ZNF469: variants seen among roughly 807,000 people sequenced by gnomAD.
The protein encoded by ZNF469 is zinc finger protein 469.
ZNF469 carries 1 observed loss-of-function variant against 1.0 expected under a neutral mutation model. That is an observed-to-expected ratio of 1.00 (90% CI 0.35 to 4.73). ZNF469 has a LOEUF of 4.73. ZNF469 is among the 30% of genes most tolerant of loss of function. The pLI, the probability that ZNF469 is intolerant of heterozygous loss-of-function variation, is 0.16. For synonymous variants in ZNF469, 2,703 were observed against 2,363.4 expected (o/e 1.14, Z -4.17); for missense variants, 6,100 against 5,356.3 (o/e 1.14, Z -4.33).
the ZNF469 span, among the ~76,000 whole-genome samples, chr16:88,228,601 C>A: frequency 6.6e-6 from 1 of 152,228 alleles, no homozygotes; most frequent in African/African-American, 2.4e-5. Context: ...AACCTGGCAA[C>A]TCCTGTTTTT....
the ZNF469 span, among the ~76,000 whole-genome samples, chr16:88,120,766 C>T: frequency 4.6e-5 from 7 of 152,152 alleles, no homozygotes; most frequent in African/African-American, 1.4e-4. Flanking sequence ...AAATGGAACT[C>T]GGAGGACAGA....
the ZNF469 span, among the ~76,000 whole-genome samples, chr16:88,125,423 C>G: frequency 7.9e-5 from 12 of 152,216 alleles, no homozygotes; most frequent in African/African-American, 2.9e-4. Flanking sequence ...CTAAGTCATT[C>G]TATGAAGCCA....
chr16:88,274,837 C>CG, the ZNF469 span, among the ~76,000 whole-genome samples: 5 of 152,372 alleles, frequency 3.3e-5, no homozygotes, highest in South Asian at 1.0e-3. Context: ...AGAACCTTCT[C>CG]ATGGACCTGA....
the ZNF469 span, among the ~76,000 whole-genome samples, chr16:88,331,942 A>T: frequency 2.6e-5 from 4 of 152,196 alleles, no homozygotes; most frequent in Non-Finnish European, 5.9e-5. Context: ...CCCCCTCCTC[A>T]TTCACAGGAA....
chr16:88,239,989 C>G, the ZNF469 span, among the ~76,000 whole-genome samples: 2 of 149,864 alleles, frequency 1.3e-5, no homozygotes, highest in African/African-American at 4.9e-5. Flanking sequence ...GCAGACCTGC[C>G]CAGGCCCCAT....
the ZNF469 span, among the ~76,000 whole-genome samples, chr16:88,108,070 C>A: frequency 6.6e-6 from 1 of 152,146 alleles, no homozygotes; most frequent in African/African-American, 2.4e-5. Flanking sequence ...TTTTTGTGCC[C>A]TTCTCTTTGA....
At chr16:88,354,556 A>G in the ZNF469 span, among the ~76,000 whole-genome samples, 2 of 152,192 alleles carry the variant, frequency 1.3e-5, no homozygotes, top group South Asian at 2.1e-4. Context: ...CAGTAGGGAT[A>G]GCGGGACCAA....
the ZNF469 span, among the ~76,000 whole-genome samples, chr16:88,168,744 A>G: frequency 6.6e-6 from 1 of 152,222 alleles, no homozygotes; most frequent in African/African-American, 2.4e-5. The surrounding 1 kb of genome is among the most constrained non-coding windows in gnomAD (Gnocchi z 4.3). Context: ...ATTAGCAAAC[A>G]GCACCGTGGC....
At chr16:88,359,053 G>A in the ZNF469 span, among the ~76,000 whole-genome samples, 1 of 152,344 alleles carries the variant, frequency 6.6e-6, no homozygotes, top group South Asian at 2.1e-4. Flanking sequence ...CGAGTCGTTG[G>A]CTGTGCAGAC....
the ZNF469 span, among the ~76,000 whole-genome samples, chr16:88,369,675 C>T: frequency 6.6e-6 from 1 of 152,194 alleles, no homozygotes; most frequent in African/African-American, 2.4e-5. Flanking sequence ...CTCTGAGGGG[C>T]GACACTGTCC....
At chr16:88,333,958 A>C in the ZNF469 span, among the ~76,000 whole-genome samples, 11 of 144,932 alleles carry the variant, frequency 7.6e-5, no homozygotes, top group Middle Eastern at 3.6e-3. Context: ...GTGTGTCTGC[A>C]TGTGTGTCTG....
At chr16:88,115,046 G>C in the ZNF469 span, among the ~76,000 whole-genome samples, 2 of 152,228 alleles carry the variant, frequency 1.3e-5, no homozygotes, top group Admixed American at 6.5e-5. Flanking sequence ...CCAGGTCGCA[G>C]GGCAGTGAAC....
At chr16:88,270,137 T>C in the ZNF469 span, among the ~76,000 whole-genome samples, 4 of 152,198 alleles carry the variant, frequency 2.6e-5, no homozygotes, top group Admixed American at 6.5e-5. Context: ...CAAATCTTCA[T>C]GGACCAGAAT....
the ZNF469 span, among the ~76,000 whole-genome samples, chr16:88,230,193 T>C: frequency 6.6e-6 from 1 of 152,238 alleles, no homozygotes; most frequent in Non-Finnish European, 1.5e-5. Flanking sequence ...GCTCGTGGTT[T>C]TCCCAGAAAT....
the ZNF469 span, among the ~76,000 whole-genome samples, chr16:88,230,888 TCA>T: frequency 0.01 from 1,524 of 152,272 alleles, 23 homozygotes; most frequent in African/African-American, 0.034. Flanking sequence ...GCCCGGGCTC[TCA>T]CAGCGGGAGC....
At chr16:88,109,474 C>T in the ZNF469 span, among the ~76,000 whole-genome samples, 104,835 of 149,646 alleles carry the variant, frequency 0.7, 39,364 homozygotes, top group Non-Finnish European at 0.86. Context: ...TCTGTGTCCA[C>T]GCTGTCTCCT....
chr16:88,181,929 A>G, the ZNF469 span, among the ~76,000 whole-genome samples: 1 of 152,244 alleles, frequency 6.6e-6, no homozygotes, highest in Non-Finnish European at 1.5e-5. Flanking sequence ...CAGATTGGAA[A>G]TAAGACATAA....
the ZNF469 span, among the ~76,000 whole-genome samples, chr16:88,355,509 T>C: frequency 6.6e-6 from 1 of 152,182 alleles, no homozygotes; most frequent in African/African-American, 2.4e-5. Flanking sequence ...TGACCCGGGC[T>C]CCCGCACCCT....
At chr16:88,345,519 C>G in the ZNF469 span, among the ~76,000 whole-genome samples, 484 of 152,298 alleles carry the variant, frequency 3.2e-3, 3 homozygotes, top group Middle Eastern at 0.01. Flanking sequence ...TCTGTGGTCA[C>G]TCACCATGAG....
Sources: allele counts gnomAD v4.1 joint callset (sites outside exome capture counted in the v4.1 genomes callset), GRCh38; gene constraint gnomAD v4.1.1; non-coding constraint Gnocchi (gnomAD v3.1); transcripts MANE v1.5; gene names NCBI Gene and HGNC (gene_info 2026-07-23, HGNC 2026-07-21).